The following TMEM51 variants were observed in gnomAD, a reference collection of about 807,000 sequenced individuals.
TMEM51 encodes transmembrane protein 51, also known as chromosome 1 open reading frame 72.
TMEM51 carries 8 observed loss-of-function variants against 13.6 expected under a neutral mutation model. The ratio of observed to expected loss-of-function variants is 0.59; its 90% CI spans 0.35 to 1.07. The LOEUF (loss-of-function observed/expected upper bound fraction) is 1.07, where lower values mean the gene tolerates loss of function less well. Among genes scored for constraint, TMEM51 ranks in the 50% least tolerant of loss-of-function variants. The pLI is 0.02. For synonymous variants in TMEM51, 147 were observed against 144.4 expected, an observed-to-expected ratio of 1.02 and a Z score of -0.13; for missense variants, 279 against 330.7, an observed-to-expected ratio of 0.84 and a Z score of 1.21.
chr1:15,155,007 G>A (rs1184453993), intron 1 of TMEM51, among the ~76,000 whole-genome samples: 14 of 152,174 alleles, frequency 9.2e-5, no homozygotes, highest in Admixed American at 8.5e-4. Flanking sequence ...TGGGTTACCC[G>A]GAGAACAGCT....
At chr1:15,184,337 C>A (rs546746904) in intron 1 of TMEM51, among the ~76,000 whole-genome samples, 28 of 152,328 alleles carry the variant, frequency 1.8e-4, no homozygotes, top group African/African-American at 6.5e-4. Context: ...GCCTTTCTCA[C>A]CAGCTCTCAG....
rs540823884 is a variant in TMEM51, at chr1:15,213,882, C to G, written c.-193-1013C>G. ...TTCGAGACAGAGTCTTGCTCTGTCACCCAGGCTGGAGTGCAGTGGCACAAT... is the reference window on the plus strand; with the variant it reads ...TTCGAGACAGAGTCTTGCTCTGTCAGCCAGGCTGGAGTGCAGTGGCACAAT... On this transcript the variant is annotated intron_variant, in intron 2 of 3. Coordinates refer to ENST00000376008, the MANE Select transcript of TMEM51 (RefSeq NM_001136218.2). Among the ~76,000 whole-genome samples, 57 of 152,154 alleles carry G rather than the reference C, an allele frequency of 3.7e-4. 2 individuals carry two copies. In the South Asian group the frequency reaches 0.011, roughly 28 times the overall value.
At chr1:15,165,879 G>A (rs1047703620) in intron 1 of TMEM51, among the ~76,000 whole-genome samples, 29 of 151,822 alleles carry the variant, frequency 1.9e-4, no homozygotes, top group African/African-American at 6.8e-4. Flanking sequence ...TGGAGGTTGC[G>A]GTGAGCCGAG....
chr1:15,215,502 A>G lies in TMEM51; in HGVS notation c.344+71A>G, dbSNP rs115913510. On this transcript the variant is annotated intron_variant, in intron 3 of 3. Transcript: ENST00000376008. ...CGCACGCATGCACACACATGTTCAC[A>G]CCTTTCCGTGGTGAAAAGACTGTCA... 1.4e-3 allele frequency: 1,961 copies of G among 1,362,054 alleles called. 24 individuals are homozygous for G. The African/African-American group carries it at 0.025, about 17-fold the overall frequency. 84.4% of individuals were successfully genotyped at this position (1,362,054 alleles called of 1,614,324 possible). A position where few individuals can be genotyped will look rare whatever the true frequency, so the allele number is the denominator to read the frequency against.
chr1:15,191,271 A>G (rs1019795394), intron 1 of TMEM51, among the ~76,000 whole-genome samples: 3 of 152,230 alleles, frequency 2.0e-5, no homozygotes, highest in Non-Finnish European at 4.4e-5. Flanking sequence ...AAGCCTCCAG[A>G]AGGAACACAG....
chr1:15,205,075 T>C (rs114006687), intron 1 of TMEM51, among the ~76,000 whole-genome samples: 2,045 of 152,268 alleles, frequency 0.013, 57 homozygotes, highest in African/African-American at 0.047. Context: ...TGAATGTGAC[T>C]GGGTCCCCCG....
intron 1 of TMEM51, among the ~76,000 whole-genome samples, chr1:15,182,206 A>G (rs10927704): frequency 0.13 from 19,997 of 148,830 alleles, 1,640 homozygotes; most frequent in East Asian, 0.37. Flanking sequence ...ATAAATAAAT[A>G]ACTGCACTAG....
intron 1 of TMEM51, among the ~76,000 whole-genome samples, chr1:15,172,049 C>T (rs1643295385): frequency 6.6e-6 from 1 of 152,196 alleles, no homozygotes; most frequent in African/African-American, 2.4e-5. Flanking sequence ...TTAACATACC[C>T]AGCCACGTTT....
chr1:15,168,633 T>C, intron 1 of TMEM51: 1 of 1,304,436 alleles, frequency 7.7e-7, no homozygotes. Flanking sequence ...CAACCTTGCC[T>C]GTGTGTTTGT....
At chr1:15,191,083 G>A (rs921618143) in intron 1 of TMEM51, among the ~76,000 whole-genome samples, 1 of 152,216 alleles carries the variant, frequency 6.6e-6, no homozygotes, top group African/African-American at 2.4e-5. Flanking sequence ...CACTGCTCCC[G>A]GCCCCACAAG....
intron 1 of TMEM51, among the ~76,000 whole-genome samples, chr1:15,173,939 T>C (rs1643376768): frequency 6.6e-6 from 1 of 152,226 alleles, no homozygotes; most frequent in Admixed American, 6.5e-5. Flanking sequence ...TAACACCTGC[T>C]CTTCAATGGG....
At chr1:15,214,827 C>T (rs1325084271) in intron 2 of TMEM51, 68 bp from the exon 3 acceptor site, 4 of 483,706 alleles carry the variant, frequency 8.3e-6, no homozygotes, top group Admixed American at 3.7e-5. Context: ...AGAGCAGAGC[C>T]GCCACATTCA....
At chr1:15,156,355 G>A (rs1327466318) in intron 1 of TMEM51, among the ~76,000 whole-genome samples, 1 of 152,216 alleles carries the variant, frequency 6.6e-6, no homozygotes, top group Non-Finnish European at 1.5e-5. Flanking sequence ...CCCTCCCTCT[G>A]CAGGCCTGGC....
rs552145735 is a variant in TMEM51, at chr1:15,161,745, A to G, written c.-267+7791A>G. Among the ~76,000 whole-genome samples the G allele has an allele frequency of 4.7e-4, 72 of 151,994 alleles. No homozygotes were observed. The highest frequency in any genetic ancestry group is 9.6e-4 in the Non-Finnish European group (65 of 68,016). The stretch of plus-strand genomic sequence containing the variant: ...CGAGATCGAGACCATCCTGGCCAAC[A>G]TGGTGAAACCCAGTCTTTACTAAAA... On this transcript the variant is annotated intron_variant, in intron 1 of 3. Transcript: ENST00000376008. The surrounding 1 kb of genome is among the most constrained non-coding windows in gnomAD (Gnocchi z 4.0).
Position 15,219,581 on chromosome 1 carries a change from G to C in TMEM51, c.600G>C (p.Pro200=). The change falls in exon 4 of 4, where the codon CCG becomes CCC. Residue 200 remains proline, a synonymous_variant. Coordinates refer to ENST00000376008, the MANE Select transcript of TMEM51 (RefSeq NM_001136218.2). ...CTAAGTTGGCCAAACGACTGAAACC[G>C]CTGAAAGTTCGAAGGATTAAATCTG... ...QNSKLAKRLK[P]LKVRRIKSEK... 1 of 1,613,830 alleles carries C rather than the reference G, an allele frequency of 6.2e-7. No homozygotes were observed. Among genetic ancestry groups the C allele is most frequent in the Non-Finnish European group, 8.5e-7 (1 of 1,179,954 alleles).
chr1:15,192,351 T>C, intron 1 of TMEM51: 1 of 381,528 alleles, frequency 2.6e-6, no homozygotes, highest in Non-Finnish European at 5.2e-6. Context: ...ACACCAACCC[T>C]CTCCAGAACC....
At chr1:15,158,056 G>A (rs575038966) in intron 1 of TMEM51, among the ~76,000 whole-genome samples, 1 of 152,246 alleles carries the variant, frequency 6.6e-6, no homozygotes, top group East Asian at 1.9e-4. Context: ...GCCTCCCAAA[G>A]TGCTGGGATT....
chr1:15,158,627 G>A (rs1037384942), intron 1 of TMEM51, among the ~76,000 whole-genome samples: 1 of 152,196 alleles, frequency 6.6e-6, no homozygotes, highest in African/African-American at 2.4e-5. Context: ...CAATAGCAAA[G>A]ATGTGCAGAG....
At chr1:15,155,345 G>A (rs901123700) in intron 1 of TMEM51, among the ~76,000 whole-genome samples, 2 of 152,162 alleles carry the variant, frequency 1.3e-5, no homozygotes, top group Non-Finnish European at 2.9e-5. Flanking sequence ...CAGAATTGGC[G>A]ATACAGTCAG....
Sources: allele counts gnomAD v4.1 joint callset (sites outside exome capture counted in the v4.1 genomes callset), GRCh38; gene constraint gnomAD v4.1.1; non-coding constraint Gnocchi (gnomAD v3.1); transcripts MANE v1.5; gene names NCBI Gene and HGNC (gene_info 2026-07-23, HGNC 2026-07-21).